The following CDH1 variants were observed in gnomAD, a reference collection of about 807,000 sequenced individuals.
The protein encoded by CDH1 is cadherin 1.
Under a neutral mutation model 84.5 loss-of-function variants are expected in CDH1, and 35 were observed. The observed-to-expected ratio is 0.41, with a 90% CI of 0.32 to 0.55. The LOEUF is 0.55. CDH1 is among the 20% of genes least tolerant of loss of function. The pLI is 0.19. For missense variants in CDH1, 994 were observed against 1,126.6 expected (o/e 0.88, Z 1.68); for synonymous variants, 417 against 439.0 (o/e 0.95, Z 0.63).
chr16:68,767,494 G>A (rs942796898), intron 2 of CDH1, among the ~76,000 whole-genome samples: 8 of 151,998 alleles, frequency 5.3e-5, no homozygotes, highest in African/African-American at 1.9e-4. Context: ...CACCGTGCCC[G>A]GCCTAGACCA....
At chr16:68,818,648 A>G (rs1961050601) in intron 10 of CDH1, among the ~76,000 whole-genome samples, 1 of 150,054 alleles carries the variant, frequency 6.7e-6, no homozygotes, top group Non-Finnish European at 1.5e-5. Context: ...GGAGATCGAG[A>G]CCATCCTGGC....
chr16:68,755,282 CAAAA>C lies in CDH1; in HGVS notation c.163+16890_163+16893del, dbSNP rs1188775959. 3.7e-3 allele frequency among the ~76,000 whole-genome samples: 352 copies of C among 96,026 alleles called. 1 individual carries two copies. Among genetic ancestry groups the C allele is most frequent in the African/African-American group, 0.012 (311 of 26,622 alleles). The allele number at this position is 96,026 out of a possible 152,430, so 63.0% of individuals were successfully genotyped here. ...TGGGTGACAGGGCAAGACTCTGTCTCAAAAAAAAAAAAAAAAAAAAAATAGAATT... is the reference window on the plus strand; with the variant it reads ...TGGGTGACAGGGCAAGACTCTGTCTCAAAAAAAAAAAAAAAAAATAGAATT... On this transcript the variant is annotated intron_variant, in intron 2 of 15. Coordinates refer to ENST00000261769, the MANE Select transcript of CDH1 (RefSeq NM_004360.5).
In CDH1 at chr16:68,812,272, A is replaced by C. The variant is rs780705655; in HGVS notation, c.1137+9A>C. On this transcript the variant is annotated intron_variant, in intron 8 of 15. Transcript: ENST00000261769. ...TCTTCAATCCCACCACGGTAATTCTATAACTCCTTAGAGGGTTTCCAAAGA... is the reference window on the plus strand; with the variant it reads ...TCTTCAATCCCACCACGGTAATTCTCTAACTCCTTAGAGGGTTTCCAAAGA... 1.2e-6 allele frequency: 2 copies of C among 1,613,836 alleles called. No individual in the cohort carries two copies. The highest frequency in any genetic ancestry group is 1.7e-6 in the Non-Finnish European group (2 of 1,179,856).
intron 15 of CDH1, among the ~76,000 whole-genome samples, chr16:68,831,192 G>T (rs1224814933): frequency 6.8e-6 from 1 of 147,492 alleles, no homozygotes; most frequent in Non-Finnish European, 1.5e-5. Flanking sequence ...CATTCTCCTG[G>T]CTCAGCCTCC....
chr16:68,793,052 G>A lies in CDH1; in HGVS notation c.164-8618G>A, dbSNP rs74952578. ...CAGTCCCTGGGAACCCATGGGGGTC[G>A]CCTGTCAACAGGGGTGCAGGAGCCG... On this transcript the variant is annotated intron_variant, in intron 2 of 15. Coordinates refer to ENST00000261769, the MANE Select transcript of CDH1 (RefSeq NM_004360.5). Among the ~76,000 whole-genome samples, 18 of 152,270 alleles carry A rather than the reference G, an allele frequency of 1.2e-4. No homozygotes were observed. The East Asian group carries it at 3.1e-3, about 26-fold the overall frequency.
chr16:68,743,297 T>C (rs576473537), intron 2 of CDH1, among the ~76,000 whole-genome samples: 6 of 9,040 alleles, frequency 6.6e-4, no homozygotes, highest in African/African-American at 3.0e-3. Context: ...CTTTCTTTCT[T>C]TCTTTCTTTC....
In CDH1 at chr16:68,745,255, C is replaced by G. The variant is rs572393623; in HGVS notation, c.163+6844C>G. ...CCAGTGCTTTGGGAGGCCAAGGCCG[C>G]AGGATTACTTGAGCCCAGGAGTTTG... On this transcript the variant is annotated intron_variant, in intron 2 of 15. Transcript: ENST00000261769. 1.1e-4 allele frequency among the ~76,000 whole-genome samples: 16 copies of G among 151,246 alleles called. No individual in the cohort carries two copies. In the East Asian group the frequency reaches 3.1e-3, roughly 29 times the overall value.
intron 2 of CDH1, among the ~76,000 whole-genome samples, chr16:68,784,176 T>C (rs2152122473): frequency 6.6e-6 from 1 of 152,154 alleles, no homozygotes; most frequent in East Asian, 1.9e-4. Context: ...AAAGAAAGGA[T>C]TTATGCATGT....
intron 2 of CDH1, among the ~76,000 whole-genome samples, chr16:68,757,755 C>T (rs1458127144): frequency 1.3e-5 from 2 of 148,850 alleles, no homozygotes; most frequent in Non-Finnish European, 3.0e-5. Context: ...CTCTCTTTTT[C>T]TTTCTCTCTC....
intron 2 of CDH1, among the ~76,000 whole-genome samples, chr16:68,777,534 C>CCTTTTT (rs1959764258): frequency 1.3e-5 from 1 of 76,968 alleles, no homozygotes; most frequent in African/African-American, 4.9e-5. Flanking sequence ...GTAATGTTTC[C>CCTTTTT]TTTTTTTTTT....
At position 68,818,614 on chromosome 16, in the gene CDH1, C is replaced by T. The variant is rs372268923; in HGVS notation, c.1566-666C>T. Among the ~76,000 whole-genome samples, 56 of 148,778 alleles carry T rather than the reference C, an allele frequency of 3.8e-4. No homozygotes were observed. In the South Asian group the frequency reaches 0.01, roughly 27 times the overall value. ...CTGTAATCCCAGCACTTTGGGAGGCCGAGACGTGCGGATCATGAGGTCAGG... is the reference window on the plus strand; with the variant it reads ...CTGTAATCCCAGCACTTTGGGAGGCTGAGACGTGCGGATCATGAGGTCAGG... On this transcript the variant is annotated intron_variant, in intron 10 of 15. Coordinates refer to ENST00000261769, the MANE Select transcript of CDH1 (RefSeq NM_004360.5).
intron 2 of CDH1, among the ~76,000 whole-genome samples, chr16:68,746,832 C>G (rs1769020597): frequency 6.6e-6 from 1 of 152,138 alleles, no homozygotes; most frequent in African/African-American, 2.4e-5. Context: ...GCCTGTAATC[C>G]CAGCTACTTG....
At chr16:68,817,655 T>G (rs568737878) in intron 10 of CDH1, among the ~76,000 whole-genome samples, 52 of 152,228 alleles carry the variant, frequency 3.4e-4, no homozygotes, top group African/African-American at 1.3e-3. Flanking sequence ...CTCTGTCCTG[T>G]TCTTGCCCCC....
chr16:68,786,297 A>G (rs1271043761), intron 2 of CDH1, among the ~76,000 whole-genome samples: 1 of 151,574 alleles, frequency 6.6e-6, no homozygotes, highest in Non-Finnish European at 1.5e-5. Context: ...TCAGCCTCCC[A>G]AGTAGCTGGG....
intron 5 of CDH1, among the ~76,000 whole-genome samples, chr16:68,809,924 G>A (rs1960771131): frequency 6.6e-6 from 1 of 152,188 alleles, no homozygotes; most frequent in South Asian, 2.1e-4. Flanking sequence ...AGTTTTTCAG[G>A]CCCGCATCTT....
intron 2 of CDH1, among the ~76,000 whole-genome samples, chr16:68,742,263 T>C (rs991880696): frequency 6.6e-6 from 1 of 152,044 alleles, no homozygotes; most frequent in Non-Finnish European, 1.5e-5. Flanking sequence ...ACTTTGTGGA[T>C]TAAATACACC....
chr16:68,784,898 C>T (rs907832484), intron 2 of CDH1, among the ~76,000 whole-genome samples: 3 of 151,978 alleles, frequency 2.0e-5, no homozygotes, highest in Non-Finnish European at 4.4e-5. Flanking sequence ...GGAGCAGGCC[C>T]CTCCTACCCT....
At chr16:68,741,155 G>T (rs1567472767) in intron 2 of CDH1, among the ~76,000 whole-genome samples, 1 of 151,986 alleles carries the variant, frequency 6.6e-6, no homozygotes, top group Non-Finnish European at 1.5e-5. Context: ...CTCTGGTGTG[G>T]TTGGTTTCAG....
intron 2 of CDH1, among the ~76,000 whole-genome samples, chr16:68,787,882 A>G (rs1446445467): frequency 6.9e-6 from 1 of 145,388 alleles, no homozygotes; most frequent in Non-Finnish European, 1.5e-5. Flanking sequence ...CTGGAGTACA[A>G]TGGCATGATC....
Sources: gnomAD v4.1 joint callset for allele counts (sites outside exome capture counted in the v4.1 genomes callset) on GRCh38, gnomAD v4.1.1 for gene constraint, MANE v1.5 for transcripts, NCBI Gene and HGNC (gene_info 2026-07-23, HGNC 2026-07-21) for gene names.